Variants in IL7 observed in about 807,000 individuals in gnomAD.
The protein encoded by IL7 is interleukin 7.
A neutral mutation model predicts 21.6 loss-of-function variants in IL7; 3 were observed. The ratio of observed to expected loss-of-function variants is 0.14; its 90% CI spans 0.06 to 0.36. The LOEUF (loss-of-function observed/expected upper bound fraction) is 0.36, where lower values mean the gene tolerates loss of function less well. Among genes scored for constraint, IL7 ranks in the 10% least tolerant of loss-of-function variants. The pLI is 1.00. For missense variants in IL7, 175 were observed against 200.2 expected, an observed-to-expected ratio of 0.87 and a Z score of 0.76; for synonymous variants, 62 against 68.1, an observed-to-expected ratio of 0.91 and a Z score of 0.44.
downstream of IL7, among the ~76,000 whole-genome samples, chr8:78,713,608 G>C (rs1255464827): frequency 6.6e-6 from 1 of 152,160 alleles, no homozygotes; most frequent in South Asian, 2.1e-4. Context: ...CTCATGAATG[G>C]ACTTGGAGTG....
intron 2 of IL7, chr8:78,761,612 C>T (rs4739137): frequency 0.13 from 202,571 of 1,611,422 alleles, 17,974 homozygotes; most frequent in African/African-American, 0.42. Context: ...GTGCTCTTCC[C>T]CTGCTATGTC....
intron 4 of IL7, among the ~76,000 whole-genome samples, chr8:78,681,831 T>C (rs773077040): frequency 1.3e-5 from 2 of 152,026 alleles, no homozygotes; most frequent in Non-Finnish European, 2.9e-5. Context: ...AATATCTTCT[T>C]GTCTTTTTCA....
chr8:78,687,151 A>G (rs1307973660), intron 3 of IL7, among the ~76,000 whole-genome samples: 1 of 152,074 alleles, frequency 6.6e-6, no homozygotes, highest in Non-Finnish European at 1.5e-5. Flanking sequence ...GATTTTTGCA[A>G]CCTTGTATGA....
chr8:78,695,110 T>C (rs1444014942), intron 3 of IL7, among the ~76,000 whole-genome samples: 2 of 152,082 alleles, frequency 1.3e-5, no homozygotes, highest in African/African-American at 4.8e-5. Flanking sequence ...GGGAGGTGAA[T>C]AATGTTTTAA....
chr8:78,696,115 A>G (rs1038502691), intron 3 of IL7, among the ~76,000 whole-genome samples: 24 of 151,986 alleles, frequency 1.6e-4, no homozygotes, highest in African/African-American at 5.5e-4. Context: ...GCTCACTGCA[A>G]GCTCCGCCTC....
intron 2 of IL7, among the ~76,000 whole-genome samples, chr8:78,746,449 T>C (rs1012735884): frequency 6.6e-6 from 1 of 152,234 alleles, no homozygotes; most frequent in African/African-American, 2.4e-5. Context: ...AGTTGCTGAC[T>C]TTCCCCCAAG....
intron 2 of IL7, among the ~76,000 whole-genome samples, chr8:78,768,743 T>A (rs1037469517): frequency 2.6e-5 from 4 of 152,088 alleles, no homozygotes; most frequent in African/African-American, 9.7e-5. Flanking sequence ...CTGATGGTAG[T>A]TTCTTTTGCT....
intron 4 of IL7, among the ~76,000 whole-genome samples, chr8:78,684,449 C>T (rs899237263): frequency 1.7e-4 from 26 of 152,138 alleles, no homozygotes; most frequent in Non-Finnish European, 2.9e-4. Flanking sequence ...AACCTGCCCC[C>T]GTGATTCAAT....
At chr8:78,704,221 A>T (rs535796355) in intron 3 of IL7, among the ~76,000 whole-genome samples, 3 of 146,018 alleles carry the variant, frequency 2.1e-5, no homozygotes, top group South Asian at 4.3e-4. Flanking sequence ...GTCTCTATTT[A>T]AAAAAAAAAT....
chr8:78,693,994 T>G (rs140489365), intron 3 of IL7, among the ~76,000 whole-genome samples: 4,282 of 152,322 alleles, frequency 0.028, 84 homozygotes, highest in Middle Eastern at 0.078. Flanking sequence ...TAGGGAATCC[T>G]TTCCACATTT....
chr8:78,742,986 T>G (rs2130702839), intron 2 of IL7, among the ~76,000 whole-genome samples: 1 of 152,324 alleles, frequency 6.6e-6, no homozygotes, highest in South Asian at 2.1e-4. Flanking sequence ...TGGTATTTGG[T>G]TTTCTGTTCC....
chr8:78,685,043 A>T (rs1563625003), intron 4 of IL7, among the ~76,000 whole-genome samples: 1 of 152,204 alleles, frequency 6.6e-6, no homozygotes, highest in African/African-American at 2.4e-5. Flanking sequence ...AGCTTAATAA[A>T]ATATTAGCCT....
At chr8:78,739,425 G>T (rs952877953) in intron 3 of IL7, among the ~76,000 whole-genome samples, 5 of 152,112 alleles carry the variant, frequency 3.3e-5, no homozygotes, top group African/African-American at 1.2e-4. Flanking sequence ...CAGGCACCGT[G>T]GCTCACGCCT....
intron 2 of IL7, among the ~76,000 whole-genome samples, chr8:78,764,538 A>G (rs557169444): frequency 6.6e-6 from 1 of 152,220 alleles, no homozygotes. Flanking sequence ...ACCATCAATG[A>G]ACAAGTGAAA....
At chr8:78,785,322 G>A (rs1203047048) in intron 2 of IL7, among the ~76,000 whole-genome samples, 1 of 152,084 alleles carries the variant, frequency 6.6e-6, no homozygotes, top group African/African-American at 2.4e-5. Flanking sequence ...TTCATAAAAT[G>A]GATCACTATC....
rs1811465020 is a variant in IL7 at position 78,733,120 on chromosome 8, T to C, written c.*593A>G. The C allele has an allele frequency of 6.6e-6, 1 of 152,144 alleles. No individual in the cohort carries two copies. The highest frequency in any genetic ancestry group is 2.1e-4 in the South Asian group (1 of 4,830). The allele number at this position is 152,144 out of a possible 1,614,324, so 9.4% of individuals were successfully genotyped here. A position where few individuals can be genotyped will look rare whatever the true frequency, so the allele number is the denominator to read the frequency against. On this transcript the variant is annotated 3_prime_UTR_variant, in exon 6 of 6. Transcript: ENST00000263851. ...TTTATTGAAGGCACTGTGTTACACA[T>C]TCATGATTAATTAAATCTCTTGAAA...
chr8:78,721,070 G>A (rs952205796), exon 5 of IL7: 10 of 151,918 alleles, frequency 6.6e-5, no homozygotes, highest in African/African-American at 1.7e-4. Context: ...GATGGGGATC[G>A]AGATAATAAG....
At chr8:78,751,123 A>C (rs369922229) in intron 2 of IL7, among the ~76,000 whole-genome samples, 3 of 151,822 alleles carry the variant, frequency 2.0e-5, no homozygotes, top group East Asian at 3.9e-4. Flanking sequence ...AAAGAACAGA[A>C]TATCTAAGAA....
rs1203461851 is a variant in IL7 at position 78,793,439 on chromosome 8, T to C, written c.147+4633A>G. 3.9e-5 allele frequency among the ~76,000 whole-genome samples: 6 copies of C among 152,252 alleles called. No individual in the cohort carries two copies. The East Asian group carries it at 7.7e-4, about 20-fold the overall frequency. On this transcript the variant is annotated intron_variant, in intron 2 of 5. Transcript: ENST00000263851. Reference sequence around the variant, plus strand: ...CAATTTTGTTTGGTTTCCCAGCATATAAAAGTTATGTTTACACTATACTGT... The same window carrying C: ...CAATTTTGTTTGGTTTCCCAGCATACAAAAGTTATGTTTACACTATACTGT...
Sources: allele counts gnomAD v4.1 joint callset (sites outside exome capture counted in the v4.1 genomes callset), GRCh38; gene constraint gnomAD v4.1.1; transcripts MANE v1.5; gene names NCBI Gene and HGNC (gene_info 2026-07-23, HGNC 2026-07-21).